GOLGA8B: variants seen among roughly 807,000 people sequenced by gnomAD.
GOLGA8B encodes the protein golgin A8 family member B.
GOLGA8B carries 1 observed loss-of-function variant against 15.6 expected under a neutral mutation model. That is an observed-to-expected ratio of 0.06 (90% CI 0.02 to 0.30). The LOEUF is 0.30. Ranked by LOEUF, GOLGA8B falls within the 10% of genes least tolerant of loss-of-function variation. The pLI is 1.00. For synonymous variants in GOLGA8B, 9 were observed against 80.3 expected (o/e 0.11, Z 4.75); for missense variants, 17 against 201.3 (o/e 0.08, Z 5.54).
At chr15:34,557,644 A>ATGTGTGTATGTGTG (rs1555405944) in intron 1 of GOLGA8B, among the ~76,000 whole-genome samples, 2 of 76,062 alleles carry the variant, frequency 2.6e-5, no homozygotes, top group African/African-American at 8.9e-5. Context: ...GAATTCATGA[A>ATGTGTGTATGTGTG]TGTGTGTGTG....
intron 1 of GOLGA8B, among the ~76,000 whole-genome samples, chr15:34,563,567 T>C (rs1197944042): frequency 6.7e-6 from 1 of 149,582 alleles, no homozygotes; most frequent in Non-Finnish European, 1.5e-5. Context: ...TCCCTTTTTT[T>C]TGGTAATTGT....
rs1259328768 is a variant in GOLGA8B, at chr15:34,527,418, G to C, written c.*214C>G. On this transcript the variant is annotated 3_prime_UTR_variant, in exon 24 of 24. Transcript: ENST00000683415. ...AATTATGAAATGAAAAAAGAAAAAT[G>C]CTAAAGGATGCCAGAGTGAACATCA... The C allele has an allele frequency of 1.6e-6, 1 of 623,694 alleles. No individual in the cohort carries two copies. The highest frequency in any genetic ancestry group is 3.7e-5 in the East Asian group (1 of 27,332). The allele number at this position is 623,694 out of a possible 1,614,324, so 38.6% of individuals were successfully genotyped here.
intron 1 of GOLGA8B, among the ~76,000 whole-genome samples, chr15:34,563,590 A>G (rs868840213): frequency 0.011 from 1,595 of 150,472 alleles, no homozygotes; most frequent in African/African-American, 0.038. Flanking sequence ...GTGTTTATAC[A>G]ATCTTTATTC....
chr15:34,578,508 C>T (rs1244327746), intron 1 of GOLGA8B, among the ~76,000 whole-genome samples: 1 of 152,220 alleles, frequency 6.6e-6, no homozygotes, highest in African/African-American at 2.4e-5. Context: ...GCCTCACACT[C>T]TCTCCAGCTC....
rs1320892442 is a variant in GOLGA8B at position 34,553,058 on chromosome 15, AC to A, written c.-878del. 1.9e-5 allele frequency: 2 copies of A among 108,086 alleles called. 1 individual carries two copies. The allele number at this position is 108,086 out of a possible 1,614,324, so 6.7% of individuals were successfully genotyped here. On this transcript the variant is annotated 5_prime_UTR_variant, in exon 3 of 24. It introduces an in-frame stop codon into an upstream open reading frame of the 5' UTR. Transcript: ENST00000683415. ...AGCAATTGCTTTCCTGGAGATCAGA[AC>A]CGTGGCTGGGTTTAACATCATCTTT...
intron 1 of GOLGA8B, among the ~76,000 whole-genome samples, chr15:34,570,016 C>A (rs1317121517): frequency 6.6e-6 from 1 of 152,194 alleles, no homozygotes; most frequent in Non-Finnish European, 1.5e-5. Context: ...GACCCTTTGG[C>A]CACTGAGTCA....
chr15:34,525,782 G>C lies in GOLGA8B; in HGVS notation c.*1850C>G, dbSNP rs7173351. 10,050 of 149,312 alleles carry C rather than the reference G, an allele frequency of 0.067. 1,067 individuals are homozygous for C. The highest frequency in any genetic ancestry group is 0.11 in the South Asian group (496 of 4,650). The allele number at this position is 149,312 out of a possible 1,614,324, so 9.2% of individuals were successfully genotyped here. A position where few individuals can be genotyped will look rare whatever the true frequency, so the allele number is the denominator to read the frequency against. On this transcript the variant is annotated 3_prime_UTR_variant, in exon 24 of 24. Transcript: ENST00000683415. ...TATCTGCCCTCTTTCAGTGAATGCC[G>C]GCAAATCTGTTATTCCATTGGCAAA...
intron 1 of GOLGA8B, among the ~76,000 whole-genome samples, chr15:34,577,705 C>T (rs1232954477): frequency 6.6e-6 from 1 of 152,154 alleles, no homozygotes; most frequent in Admixed American, 6.5e-5. Flanking sequence ...TCCTAGGCTG[C>T]AAACCTAGGC....
At chr15:34,569,273 T>C (rs3854963) in intron 1 of GOLGA8B, among the ~76,000 whole-genome samples, 13,063 of 110,038 alleles carry the variant, frequency 0.12, 1,104 homozygotes, top group Non-Finnish European at 0.13. Flanking sequence ...CAACAGAGAA[T>C]GGATGCCTAG....
chr15:34,573,312 G>A (rs1234824636), intron 1 of GOLGA8B, among the ~76,000 whole-genome samples: 1 of 152,112 alleles, frequency 6.6e-6, no homozygotes, highest in East Asian at 1.9e-4. Flanking sequence ...GCTGAAGCAG[G>A]CAGATCATGA....
intron 1 of GOLGA8B, among the ~76,000 whole-genome samples, chr15:34,557,122 TG>T (rs1356401071): frequency 7.6e-6 from 1 of 130,834 alleles, no homozygotes; most frequent in Non-Finnish European, 1.7e-5. Context: ...CCCACTGCCC[TG>T]GGTCTGCTCA....
chr15:34,573,159 G>C (rs927773950), intron 1 of GOLGA8B, among the ~76,000 whole-genome samples: 8 of 152,188 alleles, frequency 5.3e-5, no homozygotes, highest in Non-Finnish European at 1.2e-4. Context: ...CTGCCCCTCA[G>C]ACCTTGACCT....
At chr15:34,577,565 C>T (rs1277551980) in intron 1 of GOLGA8B, among the ~76,000 whole-genome samples, 1 of 139,432 alleles carries the variant, frequency 7.2e-6, no homozygotes, top group Non-Finnish European at 1.5e-5. Context: ...CACACAGATG[C>T]GTCACTTAAT....
chr15:34,564,336 TGTA>T (rs1218645076), intron 1 of GOLGA8B, among the ~76,000 whole-genome samples: 1 of 142,042 alleles, frequency 7.0e-6, no homozygotes, highest in Non-Finnish European at 1.6e-5. Context: ...TTCAGTTAGT[TGTA>T]GTAACTGTAG....
At chr15:34,571,088 G>C (rs1268364033) in intron 1 of GOLGA8B, among the ~76,000 whole-genome samples, 1 of 149,224 alleles carries the variant, frequency 6.7e-6, no homozygotes, top group East Asian at 2.0e-4. Context: ...AACTTTGGGA[G>C]GCCAAGGCAA....
intron 1 of GOLGA8B, among the ~76,000 whole-genome samples, chr15:34,578,572 T>C (rs80011390): frequency 6.6e-6 from 1 of 152,162 alleles, no homozygotes; most frequent in Non-Finnish European, 1.5e-5. Flanking sequence ...AGGCAACCCA[T>C]AGCTCAGCTA....
intron 1 of GOLGA8B, among the ~76,000 whole-genome samples, chr15:34,580,873 T>G (rs1368074450): frequency 6.6e-6 from 1 of 152,052 alleles, no homozygotes; most frequent in Admixed American, 6.5e-5. Context: ...GTGGCTACCT[T>G]ACACCCTACC....
At chr15:34,582,215 A>C (rs1394980078) in intron 1 of GOLGA8B, among the ~76,000 whole-genome samples, 3 of 151,994 alleles carry the variant, frequency 2.0e-5, no homozygotes, top group Non-Finnish European at 4.4e-5. Flanking sequence ...GAGGGGAGAA[A>C]CCCCTGCCTC....
At chr15:34,566,946 G>A (rs1040265762) in intron 1 of GOLGA8B, among the ~76,000 whole-genome samples, 1 of 116,676 alleles carries the variant, frequency 8.6e-6, no homozygotes, top group African/African-American at 3.5e-5. Flanking sequence ...CCTGAGGAAA[G>A]GCAGACTTCA....
Sources: gnomAD v4.1 joint callset for allele counts (sites outside exome capture counted in the v4.1 genomes callset) on GRCh38, gnomAD v4.1.1 for gene constraint, MANE v1.5 for transcripts, NCBI Gene and HGNC (gene_info 2026-07-23, HGNC 2026-07-21) for gene names.